Variants in EPB41L4A observed in about 807,000 individuals in gnomAD.
EPB41L4A encodes the protein band 4.1-like protein 4A.
In EPB41L4A, 100 loss-of-function variants were observed where a neutral mutation model predicts 108.6. The ratio of observed to expected loss-of-function variants is 0.92; its 90% CI spans 0.78 to 1.09. EPB41L4A has a LOEUF of 1.09. Ranked by LOEUF, EPB41L4A falls within the 50% of genes least tolerant of loss-of-function variation. The probability of loss-of-function intolerance (pLI) is 0.00; values close to 1 mark genes in which losing one functional copy is unlikely to be tolerated. For synonymous variants in EPB41L4A, 319 were observed against 289.0 expected (o/e 1.10, Z -1.05); for missense variants, 1,030 against 842.7 (o/e 1.22, Z -2.75).
At chr5:112,267,903 C>G (rs112244934) in intron 4 of EPB41L4A, among the ~76,000 whole-genome samples, 1 of 152,332 alleles carries the variant, frequency 6.6e-6, no homozygotes, top group Non-Finnish European at 1.5e-5. Context: ...TGGGTCACTT[C>G]TTGCTGCTGA....
chr5:112,314,205 T>G (rs1019170509), intron 1 of EPB41L4A, among the ~76,000 whole-genome samples: 1 of 151,790 alleles, frequency 6.6e-6, no homozygotes, highest in African/African-American at 2.4e-5. Context: ...TTTGAACAGG[T>G]AGACCAAACT....
intron 11 of EPB41L4A, among the ~76,000 whole-genome samples, chr5:112,235,426 C>T (rs926513943): frequency 6.6e-6 from 1 of 152,182 alleles, no homozygotes; most frequent in African/African-American, 2.4e-5. Flanking sequence ...ACCTTACTAA[C>T]AATTTATTCC....
Position 112,219,433 on chromosome 5 carries a change from TTAAACC to T in EPB41L4A, c.1088-9457_1088-9452del, listed in dbSNP as rs1580457734. ...CCAGCCAAGTGGAACTGTGAGTCTTTTAAACCTCTTTTCTTTATAAATTTCCCAGTC... is the reference window on the plus strand; with the variant it reads ...CCAGCCAAGTGGAACTGTGAGTCTTTTCTTTTCTTTATAAATTTCCCAGTC... On this transcript the variant is annotated intron_variant, in intron 12 of 22. Coordinates refer to ENST00000261486, the MANE Select transcript of EPB41L4A (RefSeq NM_022140.5). Among the ~76,000 whole-genome samples the T allele has an allele frequency of 2.6e-5, 4 of 152,336 alleles. No individual in the cohort carries two copies. The East Asian group carries it at 7.7e-4, about 29-fold the overall frequency.
chr5:112,361,461 T>C (rs1758755808), intron 1 of EPB41L4A, among the ~76,000 whole-genome samples: 1 of 151,366 alleles, frequency 6.6e-6, no homozygotes, highest in Non-Finnish European at 1.5e-5. Flanking sequence ...CCTCCACTAT[T>C]GTCCTATGAC....
intron 12 of EPB41L4A, among the ~76,000 whole-genome samples, chr5:112,222,183 G>A (rs566387522): frequency 6.6e-6 from 1 of 152,326 alleles, no homozygotes; most frequent in South Asian, 2.1e-4. Flanking sequence ...GTCTTCTCAA[G>A]AGTATTTGTT....
At chr5:112,183,925 G>A (rs1345203467) in intron 18 of EPB41L4A, 91 bp downstream of exon 18, 3 of 1,445,980 alleles carry the variant, frequency 2.1e-6, no homozygotes, top group African/African-American at 2.8e-5. Context: ...AATAATCCTA[G>A]TTGAACTAAA....
intron 1 of EPB41L4A, among the ~76,000 whole-genome samples, chr5:112,331,923 C>G (rs6886398): frequency 6.6e-6 from 1 of 152,202 alleles, no homozygotes; most frequent in Non-Finnish European, 1.5e-5. Context: ...TTTCACCCTG[C>G]GCTGTCCAAG....
chr5:112,292,904 C>T (rs1753741535), intron 2 of EPB41L4A, among the ~76,000 whole-genome samples: 2 of 152,140 alleles, frequency 1.3e-5, no homozygotes, highest in Admixed American at 1.3e-4. Flanking sequence ...CTTTATGGCT[C>T]ATTCTGATTT....
chr5:112,354,735 T>C (rs1758264819), intron 1 of EPB41L4A, among the ~76,000 whole-genome samples: 1 of 152,132 alleles, frequency 6.6e-6, no homozygotes, highest in Admixed American at 6.5e-5. Flanking sequence ...AATAGTCATT[T>C]CTCCACAGAT....
chr5:112,166,057 G>A (rs557376921), intron 22 of EPB41L4A, among the ~76,000 whole-genome samples: 1 of 152,354 alleles, frequency 6.6e-6, no homozygotes, highest in East Asian at 1.9e-4. Context: ...CAGAAAAAAA[G>A]TGCTAGGAGA....
intron 1 of EPB41L4A, among the ~76,000 whole-genome samples, chr5:112,322,508 C>G (rs1755848026): frequency 6.6e-6 from 1 of 152,074 alleles, no homozygotes. Flanking sequence ...GTGCCCTAGC[C>G]AGAAATCTAA....
intron 17 of EPB41L4A, among the ~76,000 whole-genome samples, chr5:112,186,629 C>A (rs968671156): frequency 6.6e-6 from 1 of 152,178 alleles, no homozygotes; most frequent in African/African-American, 2.4e-5. Context: ...TAACAAGATG[C>A]ATTAAAAATG....
chr5:112,397,644 T>C (rs1205381591), intron 1 of EPB41L4A, among the ~76,000 whole-genome samples: 1 of 152,234 alleles, frequency 6.6e-6, no homozygotes, highest in Admixed American at 6.5e-5. Context: ...AAACTTTACA[T>C]TTTCTTTGTC....
chr5:112,366,297 GA>G (rs397932986), intron 1 of EPB41L4A, among the ~76,000 whole-genome samples: 16 of 142,622 alleles, frequency 1.1e-4, no homozygotes, highest in East Asian at 2.0e-4. Flanking sequence ...ATCATTTTTA[GA>G]AAAAAAAAAA....
chr5:112,417,304 T>G (rs1370008758), intron 1 of EPB41L4A, among the ~76,000 whole-genome samples: 3 of 152,250 alleles, frequency 2.0e-5, no homozygotes, highest in Admixed American at 2.0e-4. Context: ...GCTCTACAGC[T>G]GATAGGCATG....
At chr5:112,350,320 T>C (rs1238204440) in intron 1 of EPB41L4A, among the ~76,000 whole-genome samples, 2 of 152,184 alleles carry the variant, frequency 1.3e-5, no homozygotes, top group African/African-American at 4.8e-5. Flanking sequence ...CTTTAATTAG[T>C]TGGGCATGTC....
chr5:112,389,381 A>G (rs1001901203), intron 1 of EPB41L4A, among the ~76,000 whole-genome samples: 3 of 152,130 alleles, frequency 2.0e-5, no homozygotes, highest in African/African-American at 7.2e-5. Flanking sequence ...ATCAAAACAG[A>G]CTCATCCATG....
At chr5:112,204,530 C>A (rs1272414886) in intron 14 of EPB41L4A, 42 bp from the exon 15 acceptor site, 2 of 1,362,218 alleles carry the variant, frequency 1.5e-6, no homozygotes, top group Admixed American at 1.7e-5. Flanking sequence ...CCAGAGAGTT[C>A]CTGGGGGAAA....
intron 9 of EPB41L4A, among the ~76,000 whole-genome samples, chr5:112,255,200 T>C (rs2150421800): frequency 6.7e-6 from 1 of 149,958 alleles, no homozygotes; most frequent in East Asian, 2.0e-4. Context: ...CTGCCAGCTA[T>C]ATTTCTGTTT....
Sources: gnomAD v4.1 joint callset for allele counts (sites outside exome capture counted in the v4.1 genomes callset) on GRCh38, gnomAD v4.1.1 for gene constraint, MANE v1.5 for transcripts, NCBI Gene and HGNC (gene_info 2026-07-23, HGNC 2026-07-21) for gene names.